Variants in RPL3 observed in about 807,000 individuals in gnomAD.
The protein encoded by RPL3 is ribosomal protein L3.
RPL3 carries 3 observed loss-of-function variants against 46.0 expected under a neutral mutation model. That is an observed-to-expected ratio of 0.07 (90% CI 0.03 to 0.17). The LOEUF (loss-of-function observed/expected upper bound fraction) is 0.17. Ranked by LOEUF, RPL3 falls within the 10% of genes least tolerant of loss-of-function variation. The probability of loss-of-function intolerance (pLI) is 1.00; values close to 1 mark genes in which losing one functional copy is unlikely to be tolerated. For synonymous variants in RPL3, 224 were observed against 190.8 expected, an observed-to-expected ratio of 1.17 and a Z score of -1.43; for missense variants, 387 against 532.7, an observed-to-expected ratio of 0.73 and a Z score of 2.69.
At chr22:39,315,324 TCTCCCCCAGGTTTGCACAGCAA>T in intron 5 of RPL3, 23 bp downstream of exon 5, 1 of 1,613,132 alleles carries the variant, frequency 6.2e-7, no homozygotes, top group South Asian at 1.1e-5. Flanking sequence ...TGAAACCACT[TCTCCCCCAGGTTTGCACAGCAA>T]CTCAAGCCAC....
chr22:39,316,879 GCAGGC>G (rs1569161214), intron 3 of RPL3, 38 bp from the exon 4 acceptor site: 1 of 1,613,194 alleles, frequency 6.2e-7, no homozygotes. Flanking sequence ...GGGACCAGGT[GCAGGC>G]CTTCATCACC....
At chr22:39,315,595 G>A (rs550559348) in intron 4 of RPL3, 40 bp from the exon 5 acceptor site, 21 of 1,609,344 alleles carry the variant, frequency 1.3e-5, no homozygotes, top group East Asian at 1.1e-4. Context: ...AGCTGCCAGC[G>A]CTCCTCCCAC....
Position 39,319,601 on chromosome 22 carries a change from G to A in RPL3, c.-4C>T, listed in dbSNP as rs200142918. On this transcript the variant is annotated 5_prime_UTR_variant, in exon 1 of 10. Transcript: ENST00000216146. ...CCGCCATTACAACACATACCATCAC[G>A]CCATCAAATCCCGCCGGTAGAGGCC... 3.3e-4 allele frequency: 512 copies of A among 1,551,152 alleles called. 2 individuals are homozygous for A. The East Asian group carries it at 7.3e-3, about 22-fold the overall frequency.
chr22:39,314,371 C>T, intron 6 of RPL3, 163 bp from the exon 7 acceptor site: 1 of 678,468 alleles, frequency 1.5e-6, no homozygotes, highest in Non-Finnish European at 2.5e-6. Context: ...CTCCAGGTTC[C>T]TTTCTGTAAG....
At chr22:39,318,207 G>T in intron 2 of RPL3, 193 bp downstream of exon 2, 1 of 604,356 alleles carries the variant, frequency 1.7e-6, no homozygotes, top group Non-Finnish European at 2.8e-6. Flanking sequence ...AGCAAACAGT[G>T]CTGACCATCT....
chr22:39,314,981 G>T (rs2146512899), intron 5 of RPL3, 135 bp from the exon 6 acceptor site: 1 of 1,255,666 alleles, frequency 8.0e-7, no homozygotes, highest in East Asian at 2.4e-5. Context: ...TTACCCACAG[G>T]TCTCCCCTGT....
chr22:39,319,048 G>A (rs772372641), intron 1 of RPL3: 1 of 537,784 alleles, frequency 1.9e-6, no homozygotes, highest in Non-Finnish European at 3.8e-6. Flanking sequence ...ACTCCGCAGA[G>A]CCAAATCAGA....
chr22:39,318,040 G>A (rs1016196348), intron 2 of RPL3: 5 of 347,926 alleles, frequency 1.4e-5, no homozygotes, highest in Admixed American at 4.7e-5. Flanking sequence ...CAGGTAAGTG[G>A]CCATTATTCA....
Position 39,314,577 on chromosome 22 carries a change from C to A in RPL3, c.849+109G>T, listed in dbSNP as rs534195227. On this transcript the variant is annotated intron_variant, in intron 6 of 9. Coordinates refer to ENST00000216146, the MANE Select transcript of RPL3 (RefSeq NM_000967.4). ...ATGAGAAGCAAGCCACTGATGTCCA[C>A]GTGATGCATAAGCTACAGTCAGTGA... 13 of 1,289,228 alleles carry A rather than the reference C, an allele frequency of 1.0e-5. No individual in the cohort carries two copies. The African/African-American group carries it at 1.2e-4, about 12-fold the overall frequency. 79.9% of individuals were successfully genotyped at this position (1,289,228 alleles called of 1,614,324 possible).
At chr22:39,316,645 T>C in intron 4 of RPL3, 61 bp downstream of exon 4, 2 of 1,607,666 alleles carry the variant, frequency 1.2e-6, no homozygotes, top group South Asian at 1.1e-5. Context: ...GGGACCCCCA[T>C]GATCACATAG....
At position 39,312,959 on chromosome 22, in the gene RPL3, G is replaced by C. The variant is rs1292616714; in HGVS notation, c.1193C>G (p.Ala398Gly). Residue 398 changes from alanine to glycine, a missense_variant, in exon 10 of 10, where the codon GCA becomes GGA. This residue lies in a region of RPL3 where 131 missense variants were observed against 185.1 expected (regional missense o/e 0.71). Transcript: ENST00000216146. ...CTGGCATTAAGCTCCTTCTTCCTTT[G>C]CAATTCGGTCTTTCTTCAGTGGTCC... is the stretch of plus-strand genomic sequence containing the variant. ...FMGPLKKDRI[A>G]KEEGA is the part of the protein sequence containing the mutation. 1.9e-6 allele frequency: 3 copies of C among 1,614,146 alleles called. No homozygotes were observed. Among genetic ancestry groups the C allele is most frequent in the Non-Finnish European group, 2.5e-6 (3 of 1,179,990 alleles).
chr22:39,313,506 A>G (rs1922485368), intron 8 of RPL3, 128 bp downstream of exon 8: 1 of 1,247,394 alleles, frequency 8.0e-7, no homozygotes, highest in Admixed American at 2.0e-5. Context: ...AGGACTTCAA[A>G]GCCAGTGTGA....
intron 3 of RPL3, 142 bp downstream of exon 3, chr22:39,317,319 G>A (rs1232693201): frequency 7.6e-6 from 7 of 923,782 alleles, no homozygotes; most frequent in East Asian, 2.6e-5. Context: ...CTGATCCCAG[G>A]TATTTTTCTG....
chr22:39,316,309 T>C (rs126230), intron 4 of RPL3, among the ~76,000 whole-genome samples: 136,446 of 151,786 alleles, frequency 0.9, 61,384 homozygotes, highest in South Asian at 0.97. Context: ...CCTGACAAAA[T>C]TTCAACGGTG....
chr22:39,318,309 G>C, intron 2 of RPL3, 91 bp downstream of exon 2: 1 of 1,356,342 alleles, frequency 7.4e-7, no homozygotes, highest in East Asian at 2.4e-5. Context: ...AAAAAAAAAA[G>C]TCTGCCCTCT....
At chr22:39,319,234 T>C in intron 1 of RPL3, 1 of 514,412 alleles carries the variant, frequency 1.9e-6, no homozygotes, top group East Asian at 4.5e-5. Flanking sequence ...GCCGAGAACC[T>C]CCACCCAAGG....
intron 4 of RPL3, among the ~76,000 whole-genome samples, chr22:39,316,147 G>A (rs1325799909): frequency 3.3e-5 from 5 of 152,006 alleles, no homozygotes; most frequent in Admixed American, 3.3e-4. Context: ...GCTGAGGCAG[G>A]AGAATAGCTT....
intron 2 of RPL3, 64 bp from the exon 3 acceptor site, chr22:39,317,693 G>C (rs906272632): frequency 6.3e-6 from 10 of 1,581,576 alleles, no homozygotes; most frequent in Admixed American, 3.5e-5. Flanking sequence ...ATGTTTTCTA[G>C]GAAAATGCAA....
Position 39,318,521 on chromosome 22 carries a change from A to C in RPL3, c.75T>G (p.His25Gln). The stretch of plus-strand genomic sequence containing the variant: ...TAGGGAAGCTCTTCACCTTCCCACG[A>C]TGCCTGCTGCTGCGCTTCCGAGGCA... ...GFLPRKRSSRHRGKVKSFPKD... is the reference protein window; with the variant it reads ...GFLPRKRSSRQRGKVKSFPKD... The change falls in exon 2 of 10, where the codon CAT (histidine) becomes CAG (glutamine). Residue 25 changes from histidine to glutamine, a missense_variant. This residue lies in a region of RPL3 where 196 missense variants were observed against 217.5 expected (regional missense o/e 0.90). Transcript: ENST00000216146. The C allele has an allele frequency of 6.2e-7, 1 of 1,613,844 alleles. No homozygotes were observed. Among genetic ancestry groups the C allele is most frequent in the Non-Finnish European group, 8.5e-7 (1 of 1,179,864 alleles).
Sources: gnomAD v4.1 joint callset for allele counts (sites outside exome capture counted in the v4.1 genomes callset) on GRCh38, gnomAD v4.1.1 for gene constraint, gnomAD v4.1.1 regional missense constraint, MANE v1.5 for transcripts, NCBI Gene and HGNC (gene_info 2026-07-23, HGNC 2026-07-21) for gene names.